SPATA6: variants seen among roughly 807,000 people sequenced by gnomAD.
SPATA6 encodes the protein spermatogenesis associated 6, also known as spermatogenesis-associated protein 6.
SPATA6 carries 56 observed loss-of-function variants against 65.3 expected under a neutral mutation model. The ratio of observed to expected loss-of-function variants is 0.86; its 90% CI spans 0.69 to 1.07. The LOEUF (loss-of-function observed/expected upper bound fraction) is 1.07, where lower values mean the gene tolerates loss of function less well. Ranked by LOEUF, SPATA6 falls within the 50% of genes least tolerant of loss-of-function variation. The pLI, the probability that SPATA6 is intolerant of heterozygous loss-of-function variation, is 0.00. For missense variants in SPATA6, 590 were observed against 594.8 expected (o/e 0.99, Z 0.08); for synonymous variants, 199 against 213.2 (o/e 0.93, Z 0.58).
intron 11 of SPATA6, among the ~76,000 whole-genome samples, chr1:48,307,679 G>A (rs1645095584): frequency 1.3e-5 from 2 of 151,528 alleles, no homozygotes; most frequent in African/African-American, 4.8e-5. Context: ...CCTATCCACT[G>A]GTGAATATGG....
chr1:48,292,465 A>G (rs576450683), downstream of SPATA6, among the ~76,000 whole-genome samples: 10 of 152,350 alleles, frequency 6.6e-5, no homozygotes, highest in South Asian at 1.7e-3. Flanking sequence ...GTGCACCTGC[A>G]TAGATAATGC....
At chr1:48,286,882 C>CA in the SPATA6 span, among the ~76,000 whole-genome samples, 9 of 151,894 alleles carry the variant, frequency 5.9e-5, no homozygotes, top group African/African-American at 1.2e-4. Flanking sequence ...ACTAAAAGTA[C>CA]AAAAAATTTA....
chr1:48,424,458 A>C (rs1376824845), intron 3 of SPATA6, among the ~76,000 whole-genome samples: 1 of 152,290 alleles, frequency 6.6e-6, no homozygotes, highest in African/African-American at 2.4e-5. Context: ...AGAAGTGTAG[A>C]TATCTCTTTG....
the SPATA6 span, among the ~76,000 whole-genome samples, chr1:48,290,201 T>C: frequency 6.6e-6 from 1 of 152,178 alleles, no homozygotes; most frequent in African/African-American, 2.4e-5. Context: ...TATTCAACAT[T>C]CTTAAAGAAA....
intron 5 of SPATA6, 76 bp from the exon 6 acceptor site, chr1:48,403,958 T>G (rs990258290): frequency 9.4e-7 from 1 of 1,062,130 alleles, no homozygotes; most frequent in African/African-American, 1.6e-5. Context: ...GAATATGACC[T>G]AAAGTAACAA....
the SPATA6 span, among the ~76,000 whole-genome samples, chr1:48,279,522 G>C: frequency 1.3e-5 from 2 of 151,932 alleles, no homozygotes; most frequent in Non-Finnish European, 2.9e-5. Flanking sequence ...AAAAGGCAGG[G>C]GTTGCAATCC....
At chr1:48,274,033 T>C in the SPATA6 span, among the ~76,000 whole-genome samples, 1 of 152,228 alleles carries the variant, frequency 6.6e-6, no homozygotes, top group African/African-American at 2.4e-5. Flanking sequence ...ATGATCGCCA[T>C]TTTAACTGGC....
intron 11 of SPATA6, among the ~76,000 whole-genome samples, chr1:48,341,869 A>C (rs1177682149): frequency 6.6e-6 from 1 of 152,218 alleles, no homozygotes; most frequent in Non-Finnish European, 1.5e-5. Flanking sequence ...TCTAACTGAC[A>C]GAATGCAAGT....
At chr1:48,400,150 T>C (rs1168436860) in intron 6 of SPATA6, among the ~76,000 whole-genome samples, 2 of 151,850 alleles carry the variant, frequency 1.3e-5, no homozygotes, top group African/African-American at 2.4e-5. Context: ...AACACAAAAA[T>C]ATAAAGAACT....
rs1272723208 is a variant in SPATA6 at position 48,411,601 on chromosome 1, T to C, written c.281-13A>G. The stretch of plus-strand genomic sequence containing the variant: ...AGTGTTTCACCCACTACAAGAAAGA[T>C]ACCCTATGATTCAAATTATAATAAA... On this transcript the variant is annotated splice_polypyrimidine_tract_variant and intron_variant, in intron 4 of 12. Coordinates refer to ENST00000371847, the MANE Select transcript of SPATA6 (RefSeq NM_019073.4). 2.0e-6 allele frequency: 3 copies of C among 1,534,950 alleles called. No individual in the cohort carries two copies. Among genetic ancestry groups the C allele is most frequent in the East Asian group, 2.4e-5 (1 of 42,370 alleles).
In SPATA6 at chr1:48,304,653, C is replaced by T. The variant is rs1645017575; in HGVS notation, c.1286+1134G>A. ...GCCATTGCACCTGGCCCCATGATAT[C>T]TCTTAAAATACAGATTTCCACATCT... On this transcript the variant is annotated intron_variant, in intron 12 of 12. Transcript: ENST00000371847. Among the ~76,000 whole-genome samples, 3 of 152,132 alleles carry T rather than the reference C, an allele frequency of 2.0e-5. No individual in the cohort carries two copies. The South Asian group carries it at 6.2e-4, about 31-fold the overall frequency.
intron 3 of SPATA6, among the ~76,000 whole-genome samples, chr1:48,445,537 G>A (rs546797486): frequency 1.6e-4 from 24 of 152,036 alleles, no homozygotes; most frequent in African/African-American, 5.5e-4. Context: ...GCAGGCGCCT[G>A]TAGTCCCAGC....
At position 48,444,277 on chromosome 1, in the gene SPATA6, ACT is replaced by A. The variant is rs562372087; in HGVS notation, c.238+7273_238+7274del. On this transcript the variant is annotated intron_variant, in intron 3 of 12. Coordinates refer to ENST00000371847, the MANE Select transcript of SPATA6 (RefSeq NM_019073.4). ...ACTCTGTAAAAACACACCAATCAGC[ACT>A]CTGTCTACCAAAAGGATTGTGAATG... Among the ~76,000 whole-genome samples the A allele has an allele frequency of 5.7e-4, 86 of 150,852 alleles. 1 individual carries two copies. Among genetic ancestry groups the A allele is most frequent in the Non-Finnish European group, 1.1e-3 (72 of 67,776 alleles).
chr1:48,268,033 G>A, the SPATA6 span, among the ~76,000 whole-genome samples: 2 of 151,980 alleles, frequency 1.3e-5, no homozygotes, highest in Admixed American at 1.3e-4. Flanking sequence ...TTACAGGCAT[G>A]AGCCACCGCG....
intron 11 of SPATA6, among the ~76,000 whole-genome samples, chr1:48,343,959 G>T (rs949345249): frequency 6.6e-6 from 1 of 151,834 alleles, no homozygotes; most frequent in Non-Finnish European, 1.5e-5. Context: ...CCCAAAAGAG[G>T]ATAAAAGGAA....
At position 48,384,332 on chromosome 1, in the gene SPATA6, C is replaced by G. The variant is rs994289403; in HGVS notation, c.909+977G>C. On this transcript the variant is annotated intron_variant, in intron 9 of 12. Transcript: ENST00000371847. ...GCATCAGAGGGAGACCGTGGAGGGACAGGGACAGGGACAGGGACAGGGAGA... is the reference window on the plus strand; with the variant it reads ...GCATCAGAGGGAGACCGTGGAGGGAGAGGGACAGGGACAGGGACAGGGAGA... Among the ~76,000 whole-genome samples, 156 of 60,622 alleles carry G rather than the reference C, an allele frequency of 2.6e-3. 16 individuals are homozygous for G. The highest frequency in any genetic ancestry group is 0.02 in the African/African-American group (140 of 6,886). 39.8% of individuals were successfully genotyped at this position (60,622 alleles called of 152,430 possible).
the SPATA6 span, among the ~76,000 whole-genome samples, chr1:48,281,691 A>C: frequency 2.0e-5 from 3 of 151,942 alleles, no homozygotes; most frequent in African/African-American, 7.3e-5. Context: ...AAGAGGATAC[A>C]AACAAATGGA....
At chr1:48,334,581 A>T (rs992999997) in intron 11 of SPATA6, among the ~76,000 whole-genome samples, 3 of 152,200 alleles carry the variant, frequency 2.0e-5, no homozygotes, top group Admixed American at 1.3e-4. Flanking sequence ...ATAAAATTCA[A>T]CAATCCTTCA....
In SPATA6 at chr1:48,317,109, G is replaced by A. The variant is rs578210011; in HGVS notation, c.1195-11231C>T. The stretch of plus-strand genomic sequence containing the variant: ...TGTAAACTAGTTCAACGATTGTGGA[G>A]GTCAGTGTGGTGATTCCTCAGGGAT... On this transcript the variant is annotated intron_variant, in intron 11 of 12. Coordinates refer to ENST00000371847, the MANE Select transcript of SPATA6 (RefSeq NM_019073.4). Among the ~76,000 whole-genome samples, 80 of 152,262 alleles carry A rather than the reference G, an allele frequency of 5.3e-4. No homozygotes were observed. The Middle Eastern group carries it at 0.01, about 20-fold the overall frequency.
Sources: gnomAD v4.1 joint callset for allele counts (sites outside exome capture counted in the v4.1 genomes callset) on GRCh38, gnomAD v4.1.1 for gene constraint, MANE v1.5 for transcripts, NCBI Gene and HGNC (gene_info 2026-07-23, HGNC 2026-07-21) for gene names.